The following NCBP2 variants were observed in gnomAD, a reference collection of about 807,000 sequenced individuals.
The protein encoded by NCBP2 is nuclear cap binding protein subunit 2, also known as nuclear cap-binding protein subunit 2.
NCBP2 carries 8 observed loss-of-function variants against 21.5 expected under a neutral mutation model. That is an observed-to-expected ratio of 0.37 (90% CI 0.22 to 0.67). The LOEUF (loss-of-function observed/expected upper bound fraction) is 0.67, where lower values mean the gene tolerates loss of function less well. Ranked by LOEUF, NCBP2 falls within the 30% of genes least tolerant of loss-of-function variation. The pLI, the probability that NCBP2 is intolerant of heterozygous loss-of-function variation, is 0.56. For missense variants in NCBP2, 127 were observed against 206.9 expected (o/e 0.61, Z 2.37); for synonymous variants, 92 against 75.8 (o/e 1.21, Z -1.11).
At position 196,936,712 on chromosome 3, in the gene NCBP2, T is replaced by G. The variant is rs886973870; in HGVS notation, c.*299A>C. On this transcript the variant is annotated 3_prime_UTR_variant, in exon 4 of 4. Coordinates refer to ENST00000321256, the MANE Select transcript of NCBP2 (RefSeq NM_007362.5). Reference sequence around the variant, plus strand: ...TTACATTTTTCTGTCTTTCTAAAAGTGTAGTGGTTATGGCTAAAGACTAAT... The same window carrying G: ...TTACATTTTTCTGTCTTTCTAAAAGGGTAGTGGTTATGGCTAAAGACTAAT... 1 of 415,498 alleles carries G rather than the reference T, an allele frequency of 2.4e-6. No individual in the cohort carries two copies. Among genetic ancestry groups the G allele is most frequent in the South Asian group, 3.3e-5 (1 of 30,418 alleles). 25.7% of individuals were successfully genotyped at this position (415,498 alleles called of 1,614,324 possible).
At chr3:196,942,278 C>A (rs1716629225) in intron 1 of NCBP2, 148 bp downstream of exon 1, 2 of 1,503,252 alleles carry the variant, frequency 1.3e-6, no homozygotes, top group East Asian at 2.5e-5. Flanking sequence ...TTCCAGCACC[C>A]ATTCCCTGCC....
At chr3:196,937,353 A>T in intron 3 of NCBP2, 157 bp downstream of exon 3, 1 of 1,155,368 alleles carries the variant, frequency 8.7e-7, no homozygotes, top group South Asian at 1.5e-5. Flanking sequence ...TTAAAAAAAA[A>T]ATTCACCCAA....
At position 196,942,516 on chromosome 3, in the gene NCBP2, C is replaced by A. The variant is rs756905190; in HGVS notation, c.-13G>T. 1 of 1,609,458 alleles carries A rather than the reference C, an allele frequency of 6.2e-7. No individual in the cohort carries two copies. The highest frequency in any genetic ancestry group is 8.5e-7 in the Non-Finnish European group (1 of 1,177,894). On this transcript the variant is annotated 5_prime_UTR_variant, in exon 1 of 4. Coordinates refer to ENST00000321256, the MANE Select transcript of NCBP2 (RefSeq NM_007362.5). ...GGCCACCCGACATAGTGCAGAGAAG[C>A]GGACCACAATGCGGCGACTCCCGGC...
intron 1 of NCBP2, chr3:196,940,046 TGACA>T (rs1404557072): frequency 1.3e-5 from 2 of 152,256 alleles, no homozygotes; most frequent in African/African-American, 2.4e-5. Flanking sequence ...CCAACACACC[TGACA>T]GACAAAGCCC....
In NCBP2 at chr3:196,936,251, T is replaced by A. The variant is rs11550120; in HGVS notation, c.*760A>T. The A allele has an allele frequency of 0.22, 33,893 of 152,176 alleles. 3,912 individuals carry two copies. The highest frequency in any genetic ancestry group is 0.28 in the African/African-American group (11,617 of 41,478). The allele number at this position is 152,176 out of a possible 1,614,324, so 9.4% of individuals were successfully genotyped here. On this transcript the variant is annotated 3_prime_UTR_variant, in exon 4 of 4. Transcript: ENST00000321256. ...AGTAAATACTCAAGTTCTGGCCTCA[T>A]TTCCTGATGTATGAAGCATGGAAGC...
intron 1 of NCBP2, 141 bp from the exon 2 acceptor site, chr3:196,939,573 A>C: frequency 1.4e-6 from 1 of 696,114 alleles, no homozygotes; most frequent in East Asian, 2.7e-5. Context: ...TCCCTTGCCC[A>C]AAAAGGGGGA....
In NCBP2 at chr3:196,936,639, A is replaced by ATGT. The variant is rs1716277810; in HGVS notation, c.*369_*371dup. On this transcript the variant is annotated 3_prime_UTR_variant, in exon 4 of 4. Transcript: ENST00000321256. The stretch of plus-strand genomic sequence containing the variant: ...ATTAAAAAAATAATCCCAGGCCCCA[A>ATGT]TGTAGATCATGAACCTACTTAAGAC... The ATGT allele has an allele frequency of 4.9e-6, 1 of 205,016 alleles. No homozygotes were observed. Among genetic ancestry groups the ATGT allele is most frequent in the South Asian group, 8.6e-5 (1 of 11,664 alleles). The allele number at this position is 205,016 out of a possible 1,614,324, so 12.7% of individuals were successfully genotyped here.
At chr3:196,939,542 C>T (rs188993989) in intron 1 of NCBP2, 110 bp from the exon 2 acceptor site, 3 of 853,896 alleles carry the variant, frequency 3.5e-6, no homozygotes, top group African/African-American at 1.7e-5. Flanking sequence ...ATCAACTTCT[C>T]TCATCCCAGC....
intron 1 of NCBP2, 118 bp downstream of exon 1, chr3:196,942,308 C>A: frequency 1.3e-6 from 2 of 1,526,800 alleles, no homozygotes; most frequent in African/African-American, 1.4e-5. Context: ...GGCACCGGGG[C>A]CCCACTTGGC....
intron 1 of NCBP2, chr3:196,941,632 G>A (rs1716574255): frequency 6.0e-6 from 3 of 497,884 alleles, no homozygotes; most frequent in Non-Finnish European, 7.1e-6. Flanking sequence ...TTTGGCGACA[G>A]CACTCGATAA....
At chr3:196,941,732 C>T in intron 1 of NCBP2, 1 of 606,648 alleles carries the variant, frequency 1.6e-6, no homozygotes, top group Non-Finnish European at 2.8e-6. Flanking sequence ...GAAAAGTCTA[C>T]TTTGAATATC....
Position 196,937,632 on chromosome 3 carries a change from C to G in NCBP2, c.277G>C (p.Asp93His), listed in dbSNP as rs1170003941. ...FCFVEYYSRA[D>H]AENAMRYING... ...ATGTACCGCATGGCGTTTTCCGCAT[C>G]TGCGCGTGAGTAATATCTTAAGTAT... Residue 93 changes from aspartate (D) to histidine (H), a missense_variant, in exon 3 of 4, where the codon GAT becomes CAT. By Grantham distance (81) the Asp-to-His change is moderately conservative (BLOSUM62 -1). Transcript: ENST00000321256. The G allele has an allele frequency of 1.2e-6, 2 of 1,614,180 alleles. No individual in the cohort carries two copies.
chr3:196,937,268 G>A, intron 3 of NCBP2, 186 bp from the exon 4 acceptor site: 1 of 764,170 alleles, frequency 1.3e-6, no homozygotes, highest in Admixed American at 2.3e-5. Context: ...TCCTGCAGGT[G>A]GAAGATACCT....
intron 2 of NCBP2, chr3:196,938,299 T>C (rs1303404672): frequency 6.6e-6 from 1 of 152,222 alleles, no homozygotes; most frequent in Admixed American, 6.5e-5. Flanking sequence ...AAGCCCTGCC[T>C]GGGTCCAGTG....
At chr3:196,941,917 C>T in intron 1 of NCBP2, 8 of 1,536,258 alleles carry the variant, frequency 5.2e-6, no homozygotes, top group Non-Finnish European at 6.1e-6. Flanking sequence ...GAGGACTCCA[C>T]TTGTGTCTCC....
rs1368430671 is a variant in NCBP2 at position 196,935,529 on chromosome 3, G to A, written c.*1482C>T. ...AGAATATAAAACACATTAAATTACAGTGTGAAGGAATTTTAAAAATGAACA... is the reference window on the plus strand; with the variant it reads ...AGAATATAAAACACATTAAATTACAATGTGAAGGAATTTTAAAAATGAACA... On this transcript the variant is annotated 3_prime_UTR_variant, in exon 4 of 4. Transcript: ENST00000321256. 1 of 152,162 alleles carries A rather than the reference G, an allele frequency of 6.6e-6. No individual in the cohort carries two copies. The highest frequency in any genetic ancestry group is 2.4e-5 in the African/African-American group (1 of 41,432). The allele number at this position is 152,162 out of a possible 1,614,324, so 9.4% of individuals were successfully genotyped here.
At chr3:196,941,276 A>C (rs1272742521) in intron 1 of NCBP2, 1 of 151,946 alleles carries the variant, frequency 6.6e-6, no homozygotes, top group African/African-American at 2.4e-5. Context: ...TATTTTTAGT[A>C]AGACGGGGTT....
rs750285232 is a variant in NCBP2, at chr3:196,942,348, A to G, written c.78+78T>C. 29 of 1,557,416 alleles carry G rather than the reference A, an allele frequency of 1.9e-5. No homozygotes were observed. In the Admixed American group the frequency reaches 2.1e-4, roughly 11 times the overall value. ...GCGGATTTCAGCTGAATGGGAGGCGACACAATGAGACAAGAGCAAACCGTT... is the reference window on the plus strand; with the variant it reads ...GCGGATTTCAGCTGAATGGGAGGCGGCACAATGAGACAAGAGCAAACCGTT... On this transcript the variant is annotated intron_variant, in intron 1 of 3. Transcript: ENST00000321256.
Position 196,937,050 on chromosome 3 carries a change from A to G in NCBP2, c.432T>C (p.Ala144=), listed in dbSNP as rs760418408. 134 of 1,614,068 alleles carry G rather than the reference A, an allele frequency of 8.3e-5. No individual in the cohort carries two copies. In the Admixed American group the frequency reaches 8.5e-4, roughly 10 times the overall value. Residue 144 remains alanine, a synonymous_variant, in exon 4 of 4, where the codon GCT becomes GCC. Transcript: ENST00000321256. ...VRDEYRQDYD[A]GRGGYGKLAQ... The stretch of plus-strand genomic sequence containing the variant: ...CCAGTTTTCCATAGCCTCCTCTCCC[A>G]GCATCGTAGTCCTGCCGATACTCAT...
Sources: allele counts gnomAD v4.1 joint callset, GRCh38; gene constraint gnomAD v4.1.1; transcripts MANE v1.5; gene names NCBI Gene and HGNC (gene_info 2026-07-23, HGNC 2026-07-21).